FBH1: variants seen among roughly 807,000 people sequenced by gnomAD.
The protein encoded by FBH1 is DNA 3'-5' helicase 1.
Under a neutral mutation model 115.5 loss-of-function variants are expected in FBH1, and 43 were observed. The ratio of observed to expected loss-of-function variants is 0.37; its 90% confidence interval spans 0.29 to 0.48. FBH1 has a LOEUF of 0.48. Among genes scored for constraint, FBH1 ranks in the 20% least tolerant of loss-of-function variants. The pLI, the probability that FBH1 is intolerant of heterozygous loss-of-function variation, is 0.99. For synonymous variants in FBH1, 524 were observed against 507.8 expected (o/e 1.03, Z -0.43); for missense variants, 1,001 against 1,337.3 (o/e 0.75, Z 3.92).
At position 5,895,239 on chromosome 10, in the gene FBH1, T is replaced by A; in HGVS notation, c.1+4893T>A. On this transcript the variant is annotated intron_variant, in intron 1 of 20. Transcript: ENST00000362091. The surrounding 1 kb of genome is among the most constrained non-coding windows in gnomAD (Gnocchi z 5.0). ...GGGCGGTTAGCTGACTCCAAAATTG[T>A]CCAGATTAGCAAAACTGCCCTCTGT... 6.4e-7 allele frequency: 1 copy of A among 1,569,556 alleles called. No homozygotes were observed. The highest frequency in any genetic ancestry group is 8.7e-7 in the Non-Finnish European group (1 of 1,153,298).
Position 5,923,683 on chromosome 10 carries a change from A to G in FBH1, c.2385A>G (p.Glu795=), listed in dbSNP as rs752466008. The G allele has an allele frequency of 1.9e-6, 3 of 1,614,070 alleles. No individual in the cohort carries two copies. Among genetic ancestry groups the G allele is most frequent in the African/African-American group, 1.3e-5 (1 of 74,944 alleles). ...IDIWILLQPE[E]ERRKQNLVIK... Reference sequence around the variant, plus strand: ...TTTGGATCCTTCTTCAGCCAGAGGAAGAACGGAGGAAACGTGAGTACCCAC... The same window carrying G: ...TTTGGATCCTTCTTCAGCCAGAGGAGGAACGGAGGAAACGTGAGTACCCAC... The change falls in exon 16 of 21, where the codon GAA becomes GAG. Residue 795 remains glutamate, a synonymous_variant. Coordinates refer to ENST00000362091, the MANE Select transcript of FBH1 (RefSeq NM_178150.3). The surrounding 1 kb of genome is among the most constrained non-coding windows in gnomAD (Gnocchi z 5.7).
At chr10:5,916,785 T>G (rs749541919) in intron 10 of FBH1, among the ~76,000 whole-genome samples, 1 of 152,056 alleles carries the variant, frequency 6.6e-6, no homozygotes, top group Non-Finnish European at 1.5e-5. Context: ...TCAGACCTGG[T>G]CATAGGAGGT....
At position 5,935,514 on chromosome 10, in the gene FBH1, A is replaced by G. The variant is rs1434035417; in HGVS notation, c.2830-942A>G. ...GTCTCTCGGGAAGGAAATTGAGATG[A>G]CAGTCCAAGGGACTTCAGCAAAATC... On this transcript the variant is annotated intron_variant, in intron 19 of 20. Coordinates refer to ENST00000362091, the MANE Select transcript of FBH1 (RefSeq NM_178150.3). This position sits in a 1 kb window ranked among gnomAD's most constrained non-coding sequence, Gnocchi z 5.2. 3 of 152,212 alleles carry G rather than the reference A, an allele frequency of 2.0e-5. No individual in the cohort carries two copies. The highest frequency in any genetic ancestry group is 4.8e-5 in the African/African-American group (2 of 41,450). The allele number at this position is 152,212 out of a possible 1,614,324, so 9.4% of individuals were successfully genotyped here.
Position 5,925,526 on chromosome 10 carries a change from G to C in FBH1, c.2722+34G>C, listed in dbSNP as rs200645481. On this transcript the variant is annotated intron_variant, in intron 18 of 20. Coordinates refer to ENST00000362091, the MANE Select transcript of FBH1 (RefSeq NM_178150.3). The surrounding 1 kb of genome is among the most constrained non-coding windows in gnomAD (Gnocchi z 4.6). ...CCGCCGGGTAGTGTCAGGTGCTGCTGTATGTAGTGAGTGGTGACTGGAATG... is the reference window on the plus strand; with the variant it reads ...CCGCCGGGTAGTGTCAGGTGCTGCTCTATGTAGTGAGTGGTGACTGGAATG... 1 of 1,611,536 alleles carries C rather than the reference G, an allele frequency of 6.2e-7. No individual in the cohort carries two copies. The highest frequency in any genetic ancestry group is 1.3e-5 in the African/African-American group (1 of 74,878).
intron 15 of FBH1, among the ~76,000 whole-genome samples, chr10:5,922,075 C>T (rs1031893583): frequency 4.6e-5 from 7 of 152,172 alleles, no homozygotes; most frequent in Non-Finnish European, 8.8e-5. Flanking sequence ...GGCATGTTTA[C>T]AGCATTTTTA....
chr10:5,921,237 CCTCT>C lies in FBH1; in HGVS notation c.2101-20_2101-17del. 6.2e-7 allele frequency: 1 copy of C among 1,611,928 alleles called. No homozygotes were observed. The highest frequency in any genetic ancestry group is 1.3e-5 in the African/African-American group (1 of 74,978). On this transcript the variant is annotated splice_polypyrimidine_tract_variant and intron_variant, in intron 13 of 20. Coordinates refer to ENST00000362091, the MANE Select transcript of FBH1 (RefSeq NM_178150.3). This position sits in a 1 kb window ranked among gnomAD's most constrained non-coding sequence, Gnocchi z 6.4. ...ACACCACAGGGCGGGCTGCTGACTC[CCTCT>C]GTCTTGTTGTTTTCAGAGTTTTCGG...
chr10:5,918,370 A>G lies in FBH1; in HGVS notation c.1992A>G (p.Pro664=). 1.2e-6 allele frequency: 2 copies of G among 1,613,538 alleles called. No individual in the cohort carries two copies. Among genetic ancestry groups the G allele is most frequent in the Non-Finnish European group, 1.7e-6 (2 of 1,179,866 alleles). ...PAIMNIVLSQ[P]CGKIFVGDPH... is the part of the protein sequence containing the mutation. The stretch of plus-strand genomic sequence containing the variant: ...TCATGAACATAGTTCTGTCTCAGCC[A>G]TGTGGGAAAATCTTTGTAGGGGACC... The change falls in exon 13 of 21, where the codon CCA becomes CCG. Residue 664 remains proline, a synonymous_variant. Transcript: ENST00000362091. The surrounding 1 kb of genome is among the most constrained non-coding windows in gnomAD (Gnocchi z 4.0).
rs779046224 is a variant in FBH1 at position 5,932,122 on chromosome 10, G to A, written c.2830-4334G>A. ...AGATTGTGCCACTGCACTCCAGCCT[G>A]GGTGACAGAGTGAGACCCTGTCTCA... is the stretch of plus-strand genomic sequence containing the variant. On this transcript the variant is annotated intron_variant, in intron 19 of 20. Transcript: ENST00000362091. The surrounding 1 kb of genome is among the most constrained non-coding windows in gnomAD (Gnocchi z 5.9). 2.3e-4 allele frequency among the ~76,000 whole-genome samples: 35 copies of A among 152,222 alleles called. No homozygotes were observed. The highest frequency in any genetic ancestry group is 6.5e-4 in the Admixed American group (10 of 15,284).
At position 5,918,268 on chromosome 10, in the gene FBH1, G is replaced by C; in HGVS notation, c.1964-74G>C. ...TGCCCTGGCTTAGCTTCGTGGAAGT[G>C]TTTTTGTCCTTTTCTTTTTGCTGCC... On this transcript the variant is annotated intron_variant, in intron 12 of 20. Coordinates refer to ENST00000362091, the MANE Select transcript of FBH1 (RefSeq NM_178150.3). This position sits in a 1 kb window ranked among gnomAD's most constrained non-coding sequence, Gnocchi z 4.0. 3 of 1,577,214 alleles carry C rather than the reference G, an allele frequency of 1.9e-6. No individual in the cohort carries two copies. In the South Asian group the frequency reaches 3.5e-5, roughly 18 times the overall value.
At chr10:5,899,045 T>TG (rs1843176276) in intron 1 of FBH1, among the ~76,000 whole-genome samples, 1 of 152,232 alleles carries the variant, frequency 6.6e-6, no homozygotes, top group Admixed American at 6.5e-5. Context: ...CATGTGTAGG[T>TG]ACCTCTTCTA....
intron 18 of FBH1, among the ~76,000 whole-genome samples, 183 bp from the exon 19 acceptor site, chr10:5,927,252 C>G (rs10508299): frequency 0.24 from 35,930 of 152,086 alleles, 5,569 homozygotes; most frequent in Non-Finnish European, 0.34. Context: ...CACTAGTCTG[C>G]TAGGATTTGG....
intron 3 of FBH1, among the ~76,000 whole-genome samples, chr10:5,907,639 A>T (rs1171499225): frequency 6.6e-6 from 1 of 151,812 alleles, no homozygotes; most frequent in African/African-American, 2.4e-5. Context: ...ATGCCTGGCT[A>T]ATTTTTGTAT....
intron 6 of FBH1, among the ~76,000 whole-genome samples, chr10:5,912,720 T>C (rs937507478): frequency 6.6e-5 from 10 of 152,188 alleles, no homozygotes; most frequent in Non-Finnish European, 2.9e-5. Context: ...GCGTCTCCTC[T>C]TAGGAGGACC....
At chr10:5,903,312 A>G (rs935263937) in intron 2 of FBH1, 137 bp downstream of exon 2, 48 of 515,716 alleles carry the variant, frequency 9.3e-5, no homozygotes, top group South Asian at 3.0e-4. Flanking sequence ...CACTTTTTTT[A>G]TTGTGAGTTT....
Position 5,924,658 on chromosome 10 carries a change from T to C in FBH1, c.2596+150T>C, listed in dbSNP as rs2132067758. 3.9e-6 allele frequency: 3 copies of C among 778,160 alleles called. No individual in the cohort carries two copies. The South Asian group carries it at 4.6e-5, about 12-fold the overall frequency. The allele number at this position is 778,160 out of a possible 1,614,324, so 48.2% of individuals were successfully genotyped here. Reference sequence around the variant, plus strand: ...TCTTGGCTCACTGCAATGCCCACCTTCTGGGTTCAAGCAATTATCCTGCCT... The same window carrying C: ...TCTTGGCTCACTGCAATGCCCACCTCCTGGGTTCAAGCAATTATCCTGCCT... On this transcript the variant is annotated intron_variant, in intron 17 of 20. Transcript: ENST00000362091. The surrounding 1 kb of genome is among the most constrained non-coding windows in gnomAD (Gnocchi z 6.2).
rs1832559734 is a variant in FBH1, at chr10:5,925,066, G to C, written c.2597-301G>C. 6.6e-6 allele frequency among the ~76,000 whole-genome samples: 1 copy of C among 152,192 alleles called. No individual in the cohort carries two copies. Among genetic ancestry groups the C allele is most frequent in the Admixed American group, 6.5e-5 (1 of 15,286 alleles). The stretch of plus-strand genomic sequence containing the variant: ...GCTGTGCAGCCCTCTTCTGGGCTCT[G>C]TCCCTTCATGTGTTAGATCCAGACG... On this transcript the variant is annotated intron_variant, in intron 17 of 20. Coordinates refer to ENST00000362091, the MANE Select transcript of FBH1 (RefSeq NM_178150.3). This position sits in a 1 kb window ranked among gnomAD's most constrained non-coding sequence, Gnocchi z 4.6.
In FBH1 at chr10:5,917,782, T is replaced by C; in HGVS notation, c.1963+106T>C. On this transcript the variant is annotated intron_variant, in intron 12 of 20. Coordinates refer to ENST00000362091, the MANE Select transcript of FBH1 (RefSeq NM_178150.3). The surrounding 1 kb of genome is among the most constrained non-coding windows in gnomAD (Gnocchi z 5.6). ...CTAAGTTGATTATTATTATTTGTGA[T>C]AAAGAAGAGGATCTTCATACTTACC... 2 of 904,554 alleles carry C rather than the reference T, an allele frequency of 2.2e-6. No individual in the cohort carries two copies. The highest frequency in any genetic ancestry group is 3.5e-6 in the Non-Finnish European group (2 of 578,672). The allele number at this position is 904,554 out of a possible 1,614,324, so 56.0% of individuals were successfully genotyped here.
At chr10:5,905,691 C>T (rs187303025) in intron 2 of FBH1, among the ~76,000 whole-genome samples, 4 of 152,214 alleles carry the variant, frequency 2.6e-5, no homozygotes, top group East Asian at 1.9e-4. Context: ...TTGTGAGTGG[C>T]GGTGTGGTTG....
At position 5,910,921 on chromosome 10, in the gene FBH1, G is replaced by A. The variant is rs1192878538; in HGVS notation, c.1021-17G>A. The A allele has an allele frequency of 6.2e-7, 1 of 1,601,214 alleles. No homozygotes were observed. The highest frequency in any genetic ancestry group is 8.5e-7 in the Non-Finnish European group (1 of 1,175,890). ...GCCTGTGGGCTGTCCCTCCCTCCCT[G>A]TGCACCTGGCTTGCAGGGTGTCAAC... On this transcript the variant is annotated splice_polypyrimidine_tract_variant and intron_variant, in intron 5 of 20. Coordinates refer to ENST00000362091, the MANE Select transcript of FBH1 (RefSeq NM_178150.3). This position sits in a 1 kb window ranked among gnomAD's most constrained non-coding sequence, Gnocchi z 4.8.
Sources: allele counts gnomAD v4.1 joint callset (sites outside exome capture counted in the v4.1 genomes callset), GRCh38; gene constraint gnomAD v4.1.1; non-coding constraint Gnocchi (gnomAD v3.1); transcripts MANE v1.5; gene names NCBI Gene and HGNC (gene_info 2026-07-23, HGNC 2026-07-21).